ADAMTSL1: variants seen among roughly 807,000 people sequenced by gnomAD.
ADAMTSL1 encodes ADAMTS like 1, also known as ADAMTS-like protein 1.
ADAMTSL1 carries 126 observed loss-of-function variants against 201.8 expected under a neutral mutation model. The observed-to-expected ratio is 0.62, with a 90% CI of 0.54 to 0.72. The LOEUF is 0.72. Ranked by LOEUF, ADAMTSL1 falls within the 30% of genes least tolerant of loss-of-function variation. The pLI, the probability that ADAMTSL1 is intolerant of heterozygous loss-of-function variation, is 0.00. For missense variants in ADAMTSL1, 2,679 were observed against 2,277.8 expected, an observed-to-expected ratio of 1.18 and a Z score of -3.59; for synonymous variants, 1,121 against 903.4, an observed-to-expected ratio of 1.24 and a Z score of -4.32.
intron 3 of ADAMTSL1, among the ~76,000 whole-genome samples, chr9:18,562,530 G>A (rs1255373225): frequency 6.6e-6 from 1 of 152,082 alleles, no homozygotes; most frequent in African/African-American, 2.4e-5. Flanking sequence ...TCTTTGTGAT[G>A]TTTCCTGTAT....
At chr9:18,126,885 A>G (rs1026696162) in intron 1 of ADAMTSL1, among the ~76,000 whole-genome samples, 1 of 152,188 alleles carries the variant, frequency 6.6e-6, no homozygotes, top group African/African-American at 2.4e-5. Flanking sequence ...CAGTATGAGA[A>G]GATAGAGGGA....
At chr9:18,495,088 GA>G (rs1822467302) in intron 1 of ADAMTSL1, among the ~76,000 whole-genome samples, 1 of 152,144 alleles carries the variant, frequency 6.6e-6, no homozygotes, top group African/African-American at 2.4e-5. Flanking sequence ...AAGAGAGAGG[GA>G]TTTCAGAAAT....
chr9:18,190,007 T>A (rs1828905289), intron 2 of ADAMTSL1, among the ~76,000 whole-genome samples: 1 of 152,208 alleles, frequency 6.6e-6, no homozygotes, highest in Non-Finnish European at 1.5e-5. Flanking sequence ...TCATAATGAA[T>A]CTATCTAGAA....
Position 18,461,274 on chromosome 9 carries a change from T to A in ADAMTSL1, c.208-43555T>A, listed in dbSNP as rs1820796401. Among the ~76,000 whole-genome samples, 7 of 152,204 alleles carry A rather than the reference T, an allele frequency of 4.6e-5. 1 individual carries two copies. In the South Asian group the frequency reaches 1.4e-3, roughly 32 times the overall value. Reference sequence around the variant, plus strand: ...AATATGTTATTGTTGATAGGAATATTTCATGTGCATCATCTTTTTCTCTTT... The same window carrying A: ...AATATGTTATTGTTGATAGGAATATATCATGTGCATCATCTTTTTCTCTTT... On this transcript the variant is annotated intron_variant, in intron 2 of 29. Transcript: ENST00000680146.
At chr9:17,943,518 A>G (rs1327165859) in intron 1 of ADAMTSL1, among the ~76,000 whole-genome samples, 3 of 152,080 alleles carry the variant, frequency 2.0e-5, no homozygotes, top group Non-Finnish European at 4.4e-5. Context: ...TCCTGTTTAA[A>G]GTATTTTGAT....
chr9:18,743,635 G>C (rs891165666), intron 15 of ADAMTSL1, among the ~76,000 whole-genome samples: 5 of 152,172 alleles, frequency 3.3e-5, no homozygotes, highest in Non-Finnish European at 7.3e-5. Context: ...CGTGCAGGCA[G>C]ACTTCCAGGA....
chr9:18,706,638 T>G (rs555952424), intron 13 of ADAMTSL1, 109 bp from the exon 14 acceptor site: 1 of 1,141,182 alleles, frequency 8.8e-7, no homozygotes, highest in South Asian at 1.6e-5. Flanking sequence ...TGAGTACCCC[T>G]GGGACAGCTC....
chr9:18,178,514 T>C (rs1446587690), intron 2 of ADAMTSL1, among the ~76,000 whole-genome samples: 1 of 152,014 alleles, frequency 6.6e-6, no homozygotes, highest in Non-Finnish European at 1.5e-5. Context: ...TCGAACTGGG[T>C]GGAGCCCACC....
chr9:17,932,984 GTCCATCA>G lies in ADAMTSL1; in HGVS notation c.87+26064_87+26070del, dbSNP rs1249375693. Among the ~76,000 whole-genome samples, 16 of 152,034 alleles carry G rather than the reference GTCCATCA, an allele frequency of 1.1e-4. 1 individual carries two copies. Among genetic ancestry groups the G allele is most frequent in the Admixed American group, 1.0e-3 (16 of 15,246 alleles). On this transcript the variant is annotated intron_variant, in intron 1 of 29. Transcript: ENST00000680146. ...ACTTATGTCAGATCAACTAAGCCTG[GTCCATCA>G]TGGTTACAAAGTGCCCAGCCTGGCA...
chr9:18,228,310 T>C (rs926773763), intron 2 of ADAMTSL1, among the ~76,000 whole-genome samples: 4 of 152,168 alleles, frequency 2.6e-5, no homozygotes, highest in African/African-American at 7.2e-5. Context: ...GGACCAGAAC[T>C]CTAGCACATT....
intron 2 of ADAMTSL1, among the ~76,000 whole-genome samples, chr9:18,204,438 T>C (rs1829569310): frequency 6.6e-6 from 1 of 152,042 alleles, no homozygotes; most frequent in African/African-American, 2.4e-5. Context: ...CCAGCCATGC[T>C]GAACTGTGAG....
At position 18,648,354 on chromosome 9, in the gene ADAMTSL1, G is replaced by C. The variant is rs1247468623; in HGVS notation, c.834+8943G>C. Among the ~76,000 whole-genome samples, 7 of 150,906 alleles carry C rather than the reference G, an allele frequency of 4.6e-5. No individual in the cohort carries two copies. The East Asian group carries it at 1.4e-3, about 29-fold the overall frequency. On this transcript the variant is annotated intron_variant, in intron 7 of 28. Transcript: ENST00000380548. ...GACTCTTTATCCAATTTGCCAGTCT[G>C]TGTCTTTTAATTGGCGCATTTAGTC...
intron 2 of ADAMTSL1, among the ~76,000 whole-genome samples, chr9:18,236,728 A>G (rs1176470407): frequency 6.6e-6 from 1 of 152,256 alleles, no homozygotes; most frequent in African/African-American, 2.4e-5. Flanking sequence ...AATCTTAGCT[A>G]TATTTTCAGC....
At chr9:18,369,576 C>G (rs556715295) in intron 2 of ADAMTSL1, among the ~76,000 whole-genome samples, 2 of 152,188 alleles carry the variant, frequency 1.3e-5, no homozygotes, top group African/African-American at 4.8e-5. Context: ...TAAAGATTCC[C>G]TAAAGAACTA....
At chr9:18,052,913 T>A (rs1440146039) in intron 1 of ADAMTSL1, among the ~76,000 whole-genome samples, 1 of 152,066 alleles carries the variant, frequency 6.6e-6, no homozygotes, top group African/African-American at 2.4e-5. Context: ...GGTCACCTAC[T>A]TTTTTTTCTC....
chr9:18,641,625 G>C (rs1052905794), intron 7 of ADAMTSL1, among the ~76,000 whole-genome samples: 14 of 151,928 alleles, frequency 9.2e-5, no homozygotes, highest in Non-Finnish European at 2.1e-4. Context: ...GTTATTCTAA[G>C]ATAGATTATG....
intron 1 of ADAMTSL1, among the ~76,000 whole-genome samples, chr9:17,911,934 T>C (rs1825909626): frequency 2.0e-5 from 1 of 51,008 alleles, no homozygotes; most frequent in Non-Finnish European, 6.6e-5. Flanking sequence ...GAATATGCGG[T>C]GTTTGGTTTT....
chr9:18,581,536 T>G (rs895584483), intron 4 of ADAMTSL1, among the ~76,000 whole-genome samples: 1 of 152,168 alleles, frequency 6.6e-6, no homozygotes, highest in African/African-American at 2.4e-5. Context: ...CTCTAAAATA[T>G]TATCAACTCA....
intron 1 of ADAMTSL1, among the ~76,000 whole-genome samples, chr9:18,062,838 T>C (rs543955411): frequency 2.6e-5 from 4 of 152,240 alleles, no homozygotes; most frequent in Non-Finnish European, 5.9e-5. Flanking sequence ...GCTACTTTGA[T>C]GAAATCTTCC....
Sources: allele counts gnomAD v4.1 joint callset (sites outside exome capture counted in the v4.1 genomes callset), GRCh38; gene constraint gnomAD v4.1.1; transcripts MANE v1.5; gene names NCBI Gene and HGNC (gene_info 2026-07-23, HGNC 2026-07-21).